LRRC4C: variants seen among roughly 807,000 people sequenced by gnomAD.
LRRC4C encodes leucine-rich repeat-containing protein 4C.
A neutral mutation model predicts 33.6 loss-of-function variants in LRRC4C; 5 were observed. That is an observed-to-expected ratio of 0.15 (90% CI 0.08 to 0.31). The LOEUF (loss-of-function observed/expected upper bound fraction) is 0.31. Ranked by LOEUF, LRRC4C falls within the 10% of genes least tolerant of loss-of-function variation. LRRC4C has a pLI of 1.00. For missense variants in LRRC4C, 560 were observed against 796.7 expected (o/e 0.70, Z 3.58); for synonymous variants, 329 against 302.0 (o/e 1.09, Z -0.93).
intron 5 of LRRC4C, among the ~76,000 whole-genome samples, chr11:40,193,524 T>C (rs913467286): frequency 6.6e-6 from 1 of 152,098 alleles, no homozygotes; most frequent in Non-Finnish European, 1.5e-5. Flanking sequence ...GGCTGAAAAT[T>C]CCAAAAACCA....
chr11:41,157,497 C>T (rs927218809), intron 1 of LRRC4C, among the ~76,000 whole-genome samples: 1 of 152,108 alleles, frequency 6.6e-6, no homozygotes, highest in Non-Finnish European at 1.5e-5. Context: ...TCTAATTATG[C>T]AATATTTCCT....
At chr11:40,759,127 TGTAA>T (rs1210770291) in intron 2 of LRRC4C, among the ~76,000 whole-genome samples, 1 of 147,336 alleles carries the variant, frequency 6.8e-6, no homozygotes, top group African/African-American at 2.5e-5. Context: ...TCCTTATGTA[TGTAA>T]TATATATATC....
chr11:40,287,463 T>C (rs1943922379), intron 4 of LRRC4C, among the ~76,000 whole-genome samples: 1 of 152,144 alleles, frequency 6.6e-6, no homozygotes, highest in South Asian at 2.1e-4. Context: ...ATTCAAGCAG[T>C]ATTTATTGCA....
At chr11:41,239,151 TAAAAAAA>T (rs71466925) in intron 1 of LRRC4C, among the ~76,000 whole-genome samples, 2 of 112,740 alleles carry the variant, frequency 1.8e-5, no homozygotes, top group Non-Finnish European at 3.6e-5. Context: ...CCGTCTCTAC[TAAAAAAA>T]AAAAAAAAAA....
intron 1 of LRRC4C, among the ~76,000 whole-genome samples, chr11:40,988,842 G>T (rs1046294071): frequency 6.8e-6 from 1 of 146,402 alleles, no homozygotes; most frequent in African/African-American, 2.5e-5. Context: ...TCAGCCTCCC[G>T]AGTAGCTGGG....
chr11:40,451,983 A>C (rs1951908397), intron 3 of LRRC4C, among the ~76,000 whole-genome samples: 1 of 152,098 alleles, frequency 6.6e-6, no homozygotes, highest in Non-Finnish European at 1.5e-5. Context: ...GCGTGAGCCA[A>C]AGCAGGGTGA....
chr11:40,455,264 A>G (rs1952078787), intron 3 of LRRC4C, among the ~76,000 whole-genome samples: 1 of 152,184 alleles, frequency 6.6e-6, no homozygotes. Context: ...CCTTTGTACA[A>G]AACGAGGTGC....
rs1242834116 is a variant in LRRC4C, at chr11:40,116,198, G to C, written c.95C>G (p.Ala32Gly). 6.2e-7 allele frequency: 1 copy of C among 1,614,010 alleles called. No homozygotes were observed. The highest frequency in any genetic ancestry group is 1.3e-5 in the African/African-American group (1 of 75,004). ...LFDPLLVVLL[A>G]LQLLVVAGLV... ...ACCAGCCACCACAAGAAGTTGAAGA[G>C]CCAGCAGCACCACAAGCAGGGGGTC... is the stretch of plus-strand genomic sequence containing the variant. Residue 32 changes from alanine to glycine, a missense_variant, in exon 7 of 7, where the codon GCT (alanine) becomes GGT (glycine). Around this residue, in one of 3 missense-constraint regions of LRRC4C, gnomAD observed 455 missense variants for 643.8 expected, o/e 0.71. Transcript: ENST00000528697.
intron 1 of LRRC4C, among the ~76,000 whole-genome samples, chr11:41,087,105 C>T (rs916479879): frequency 6.6e-6 from 1 of 151,986 alleles, no homozygotes; most frequent in East Asian, 1.9e-4. Flanking sequence ...TGTCACAAAC[C>T]GGAAATCTGG....
intron 3 of LRRC4C, among the ~76,000 whole-genome samples, chr11:40,552,998 C>T (rs1011012390): frequency 2.6e-5 from 4 of 152,056 alleles, no homozygotes; most frequent in East Asian, 3.9e-4. Flanking sequence ...AGGCCGGGTG[C>T]GGTAACTCAT....
At chr11:40,481,726 C>T (rs1267451503) in intron 3 of LRRC4C, among the ~76,000 whole-genome samples, 3 of 151,918 alleles carry the variant, frequency 2.0e-5, no homozygotes, top group East Asian at 1.9e-4. Context: ...TTACAATTTT[C>T]TTTGTTATGT....
intron 3 of LRRC4C, among the ~76,000 whole-genome samples, chr11:40,356,678 C>A (rs1947686145): frequency 6.6e-6 from 1 of 152,120 alleles, no homozygotes; most frequent in African/African-American, 2.4e-5. Context: ...AACACAGTGA[C>A]ATGCCAGTAT....
intron 3 of LRRC4C, among the ~76,000 whole-genome samples, chr11:40,480,644 T>C (rs1236386516): frequency 2.0e-5 from 3 of 152,054 alleles, no homozygotes; most frequent in South Asian, 2.1e-4. Context: ...AAAGAAAATA[T>C]AGTGTATGTA....
chr11:40,883,256 A>C (rs1305083678), intron 2 of LRRC4C, among the ~76,000 whole-genome samples: 1 of 152,116 alleles, frequency 6.6e-6, no homozygotes, highest in Non-Finnish European at 1.5e-5. Flanking sequence ...TTTTCAAAAA[A>C]GAAATGCAAC....
intron 2 of LRRC4C, among the ~76,000 whole-genome samples, chr11:40,699,787 C>G (rs1945776047): frequency 6.6e-6 from 1 of 152,084 alleles, no homozygotes; most frequent in Admixed American, 6.6e-5. Flanking sequence ...GTAAGGAGCT[C>G]TAATATTTTA....
intron 1 of LRRC4C, among the ~76,000 whole-genome samples, chr11:41,179,431 G>A (rs998096851): frequency 2.0e-5 from 3 of 152,104 alleles, no homozygotes; most frequent in African/African-American, 7.2e-5. Context: ...CTGGCCTGAG[G>A]GCCTGATCTG....
intron 2 of LRRC4C, among the ~76,000 whole-genome samples, chr11:40,838,813 A>G (rs529927127): frequency 6.6e-6 from 1 of 152,022 alleles, no homozygotes; most frequent in Non-Finnish European, 1.5e-5. Context: ...AAAACTGCTG[A>G]AAGTTATTCA....
intron 2 of LRRC4C, among the ~76,000 whole-genome samples, chr11:40,662,178 T>A (rs2136216199): frequency 6.6e-6 from 1 of 152,342 alleles, no homozygotes; most frequent in East Asian, 1.9e-4. Flanking sequence ...AAGCTCAAAA[T>A]TAGAATTCTC....
chr11:40,830,105 C>G (rs1215753107), intron 2 of LRRC4C, among the ~76,000 whole-genome samples: 1 of 151,862 alleles, frequency 6.6e-6, no homozygotes, highest in Non-Finnish European at 1.5e-5. Context: ...TAAAAACAAG[C>G]ACGGGCTATT....
Sources: gnomAD v4.1 joint callset for allele counts (sites outside exome capture counted in the v4.1 genomes callset) on GRCh38, gnomAD v4.1.1 for gene constraint, gnomAD v4.1.1 regional missense constraint, MANE v1.5 for transcripts, NCBI Gene and HGNC (gene_info 2026-07-23, HGNC 2026-07-21) for gene names.